Variants in PDS5B observed in about 807,000 individuals in gnomAD.
PDS5B encodes the protein PDS5 cohesin associated factor B.
Under a neutral mutation model 184.1 loss-of-function variants are expected in PDS5B, and 51 were observed. The ratio of observed to expected loss-of-function variants is 0.28; its 90% CI spans 0.22 to 0.35. The LOEUF is 0.35. Among genes scored for constraint, PDS5B ranks in the 10% least tolerant of loss-of-function variants. The pLI is 1.00. For missense variants in PDS5B, 1,180 were observed against 1,723.3 expected, an observed-to-expected ratio of 0.68 and a Z score of 5.58; for synonymous variants, 566 against 569.2, an observed-to-expected ratio of 0.99 and a Z score of 0.08.
intron 1 of PDS5B, among the ~76,000 whole-genome samples, chr13:32,618,818 C>CT (rs561409686): frequency 2.0e-5 from 3 of 152,166 alleles, no homozygotes; most frequent in Admixed American, 2.0e-4. Context: ...ACTGGGGTTG[C>CT]TTTTTTTCTT....
At chr13:32,666,364 C>T (rs1477618959) in intron 6 of PDS5B, among the ~76,000 whole-genome samples, 1 of 152,124 alleles carries the variant, frequency 6.6e-6, no homozygotes, top group African/African-American at 2.4e-5. Context: ...CAAGTGTGAG[C>T]CACAGTGCCC....
intron 19 of PDS5B, among the ~76,000 whole-genome samples, chr13:32,721,030 T>C (rs1346493502): frequency 6.6e-6 from 1 of 151,986 alleles, no homozygotes; most frequent in African/African-American, 2.4e-5. Context: ...TGGAGTCTCC[T>C]ATGTCTACTT....
chr13:32,750,814 T>A (rs955655197), intron 24 of PDS5B, among the ~76,000 whole-genome samples: 1 of 151,142 alleles, frequency 6.6e-6, no homozygotes, highest in Non-Finnish European at 1.5e-5. Flanking sequence ...AGTGTTGGAA[T>A]TTCAGGCGTG....
chr13:32,586,758 A>T (rs1300190103), intron 1 of PDS5B, among the ~76,000 whole-genome samples, 165 bp downstream of exon 1: 3 of 141,386 alleles, frequency 2.1e-5, no homozygotes, highest in Non-Finnish European at 4.6e-5. Flanking sequence ...CGGGGGCTGC[A>T]GCGGGTGGCT....
chr13:32,616,156 C>T (rs1245179928), intron 1 of PDS5B, among the ~76,000 whole-genome samples: 8 of 151,858 alleles, frequency 5.3e-5, no homozygotes, highest in South Asian at 2.1e-4. Context: ...TGGGTTCAAG[C>T]GATTCTCCTG....
At position 32,775,914 on chromosome 13, in the gene PDS5B, A is replaced by G. The variant is rs1012582710; in HGVS notation, c.*862A>G. The G allele has an allele frequency of 5.1e-5, 14 of 277,108 alleles. No homozygotes were observed. The highest frequency in any genetic ancestry group is 2.5e-4 in the African/African-American group (11 of 44,186). The allele number at this position is 277,108 out of a possible 1,614,324, so 17.2% of individuals were successfully genotyped here. A position where few individuals can be genotyped will look rare whatever the true frequency, so the allele number is the denominator to read the frequency against. On this transcript the variant is annotated 3_prime_UTR_variant, in exon 35 of 35. Coordinates refer to ENST00000315596, the MANE Select transcript of PDS5B (RefSeq NM_015032.4). Reference sequence around the variant, plus strand: ...ATTCTGTAATTTGAATGAGTTTTTAATAGTCTAGAATGTTATTGTGTATAG... The same window carrying G: ...ATTCTGTAATTTGAATGAGTTTTTAGTAGTCTAGAATGTTATTGTGTATAG...
At chr13:32,631,772 A>G (rs1266351364) in intron 1 of PDS5B, among the ~76,000 whole-genome samples, 3 of 152,222 alleles carry the variant, frequency 2.0e-5, no homozygotes, top group Non-Finnish European at 4.4e-5. Flanking sequence ...AAGGGAAAAA[A>G]AAGTTCTTTG....
intron 1 of PDS5B, among the ~76,000 whole-genome samples, chr13:32,631,726 G>A (rs1203370341): frequency 1.3e-5 from 2 of 152,130 alleles, no homozygotes; most frequent in African/African-American, 4.8e-5. Context: ...TATAGTATAG[G>A]CCAGGAATAT....
intron 25 of PDS5B, among the ~76,000 whole-genome samples, chr13:32,754,656 C>T (rs559669883): frequency 1.8e-4 from 27 of 152,118 alleles, no homozygotes; most frequent in African/African-American, 5.1e-4. Flanking sequence ...GTTTACCTGT[C>T]GTATTTTGGC....
chr13:32,612,811 TG>T (rs1450443640), intron 1 of PDS5B, among the ~76,000 whole-genome samples: 1 of 152,210 alleles, frequency 6.6e-6, no homozygotes, highest in Admixed American at 6.5e-5. Context: ...CATTAGACGC[TG>T]GCCCCTCAAT....
At chr13:32,679,251 G>C (rs1209651848) in intron 10 of PDS5B, among the ~76,000 whole-genome samples, 2 of 152,046 alleles carry the variant, frequency 1.3e-5, no homozygotes, top group Non-Finnish European at 2.9e-5. Flanking sequence ...TCAAAGTCAA[G>C]ACCTGTTCAA....
At chr13:32,771,382 C>T (rs1216761090) in intron 33 of PDS5B, among the ~76,000 whole-genome samples, 1 of 152,114 alleles carries the variant, frequency 6.6e-6, no homozygotes, top group Non-Finnish European at 1.5e-5. Flanking sequence ...ATTTTAGTGT[C>T]ACCAGAGTAT....
Position 32,602,676 on chromosome 13 carries a change from T to A in PDS5B, c.-20+16083T>A, listed in dbSNP as rs146256115. 1.0e-3 allele frequency among the ~76,000 whole-genome samples: 157 copies of A among 152,348 alleles called. No homozygotes were observed. In the East Asian group the frequency reaches 0.029, roughly 28 times the overall value. ...AGATCCTTGAGGAATCGCCACACTGTCTTCCACAATGGTTGAACTAGTTTA... is the reference window on the plus strand; with the variant it reads ...AGATCCTTGAGGAATCGCCACACTGACTTCCACAATGGTTGAACTAGTTTA... On this transcript the variant is annotated intron_variant, in intron 1 of 34. Transcript: ENST00000315596.
chr13:32,605,134 T>C (rs551867489), intron 1 of PDS5B, among the ~76,000 whole-genome samples: 1 of 152,308 alleles, frequency 6.6e-6, no homozygotes, highest in Admixed American at 6.5e-5. Flanking sequence ...ATATGTTTGC[T>C]TCTCTAGTTC....
intron 1 of PDS5B, among the ~76,000 whole-genome samples, chr13:32,593,404 G>C (rs1040780013): frequency 6.6e-6 from 1 of 152,150 alleles, no homozygotes; most frequent in African/African-American, 2.4e-5. Context: ...GCAGTGGCAC[G>C]ATCTCGGCTC....
intron 10 of PDS5B, 104 bp from the exon 11 acceptor site, chr13:32,683,774 T>C (rs937059649): frequency 2.9e-6 from 2 of 680,868 alleles, no homozygotes; most frequent in African/African-American, 3.8e-5. Context: ...GAAACTTCTA[T>C]GTAGGTATTG....
At position 32,710,006 on chromosome 13, in the gene PDS5B, G is replaced by T; in HGVS notation, c.2023G>T (p.Ala675Ser). Reference sequence around the variant, plus strand: ...TGCTGAAACATTTGAATCATTACTGGCTTGTCTGAAAATGGATGATGAAAA... The same window carrying T: ...TGCTGAAACATTTGAATCATTACTGTCTTGTCTGAAAATGGATGATGAAAA... Reference protein sequence around the residue: ...HSAETFESLLACLKMDDEKVA... With the variant: ...HSAETFESLLSCLKMDDEKVA... Residue 675 changes from alanine to serine, a missense_variant, in exon 19 of 35, where the codon GCT (alanine) becomes TCT (serine). By Grantham distance (99) the Ala-to-Ser change is moderately conservative. Transcript: ENST00000315596. 1.3e-6 allele frequency: 2 copies of T among 1,550,844 alleles called. No homozygotes were observed. The highest frequency in any genetic ancestry group is 8.8e-7 in the Non-Finnish European group (1 of 1,137,748).
intron 15 of PDS5B, 46 bp downstream of exon 15, chr13:32,696,948 C>T (rs770500454): frequency 8.8e-7 from 1 of 1,140,016 alleles, no homozygotes; most frequent in South Asian, 1.4e-5. Context: ...TTTATTGGAA[C>T]ATTTTTTATA....
chr13:32,604,623 G>A (rs2058031311), intron 1 of PDS5B, among the ~76,000 whole-genome samples: 1 of 152,176 alleles, frequency 6.6e-6, no homozygotes, highest in African/African-American at 2.4e-5. Flanking sequence ...TTTTTCTGTT[G>A]ATTGGAATAG....
Sources: allele counts gnomAD v4.1 joint callset (sites outside exome capture counted in the v4.1 genomes callset), GRCh38; gene constraint gnomAD v4.1.1; transcripts MANE v1.5; gene names NCBI Gene and HGNC (gene_info 2026-07-23, HGNC 2026-07-21).